RBFOX1: variants seen among roughly 807,000 people sequenced by gnomAD.
RBFOX1 encodes RNA binding protein fox-1 homolog 1.
RBFOX1 carries 8 observed loss-of-function variants against 57.7 expected under a neutral mutation model. The ratio of observed to expected loss-of-function variants is 0.14; its 90% confidence interval spans 0.08 to 0.25. The LOEUF (loss-of-function observed/expected upper bound fraction) is 0.25, where lower values mean the gene tolerates loss of function less well. Among genes scored for constraint, RBFOX1 ranks in the 10% least tolerant of loss-of-function variants. The pLI is 1.00. For synonymous variants in RBFOX1, 326 were observed against 222.4 expected, an observed-to-expected ratio of 1.47 and a Z score of -4.15; for missense variants, 611 against 548.5, an observed-to-expected ratio of 1.11 and a Z score of -1.14.
chr16:7,066,545 A>C (rs562331578), intron 4 of RBFOX1, among the ~76,000 whole-genome samples: 38 of 151,350 alleles, frequency 2.5e-4, no homozygotes, highest in African/African-American at 8.2e-4. Context: ...TTATGTGCAA[A>C]GTTTTAGGTG....
At position 6,803,964 on chromosome 16, in the gene RBFOX1, C is replaced by T. The variant is rs370242411; in HGVS notation, c.-16+149314C>T. On this transcript the variant is annotated intron_variant, in intron 3 of 15. Transcript: ENST00000550418. ...AACCCATAGTTTCCTAATATTTGCA[C>T]GTTATAACATATGAAGCTAAACTGT... 9.2e-5 allele frequency among the ~76,000 whole-genome samples: 14 copies of T among 151,990 alleles called. No homozygotes were observed. In the South Asian group the frequency reaches 1.2e-3, roughly 14 times the overall value.
intron 4 of RBFOX1, among the ~76,000 whole-genome samples, chr16:7,349,310 C>G (rs961546210): frequency 2.1e-4 from 32 of 152,272 alleles, no homozygotes; most frequent in Non-Finnish European, 3.8e-4. Context: ...TTCTCTCAAA[C>G]CAAACGCATG....
At chr16:6,381,637 G>A (rs1318849287) in intron 2 of RBFOX1, among the ~76,000 whole-genome samples, 1 of 152,138 alleles carries the variant, frequency 6.6e-6, no homozygotes, top group Admixed American at 6.5e-5. Flanking sequence ...CATTGAACAG[G>A]AGCTCTTCCT....
At chr16:7,158,166 G>A (rs1467635156) in intron 4 of RBFOX1, among the ~76,000 whole-genome samples, 1 of 152,076 alleles carries the variant, frequency 6.6e-6, no homozygotes, top group Non-Finnish European at 1.5e-5. Flanking sequence ...GGCCAACATG[G>A]TGAAACCCTG....
At chr16:6,599,334 TG>T (rs2097819466) in intron 2 of RBFOX1, among the ~76,000 whole-genome samples, 1 of 152,164 alleles carries the variant, frequency 6.6e-6, no homozygotes, top group South Asian at 2.1e-4. Context: ...GGTCCTCTAA[TG>T]GTTGTGCGTT....
chr16:5,792,660 T>C (rs549963593), intron 3 of RBFOX1, among the ~76,000 whole-genome samples: 1 of 152,172 alleles, frequency 6.6e-6, no homozygotes, highest in African/African-American at 2.4e-5. Flanking sequence ...CTGGCCAACG[T>C]GCTGAAACCC....
chr16:6,667,783 A>C (rs1050069498), intron 3 of RBFOX1, among the ~76,000 whole-genome samples: 1 of 151,984 alleles, frequency 6.6e-6, no homozygotes, highest in Non-Finnish European at 1.5e-5. Context: ...CAGCTACTCA[A>C]ATGGCTTAAG....
chr16:6,675,956 T>C (rs62015863), intron 3 of RBFOX1, among the ~76,000 whole-genome samples: 5,404 of 152,120 alleles, frequency 0.036, 154 homozygotes, highest in Non-Finnish European at 0.048. Flanking sequence ...TCTCTGGAAC[T>C]TTGGACAAGC....
chr16:7,231,937 T>C (rs2093519332), intron 4 of RBFOX1, among the ~76,000 whole-genome samples: 1 of 152,164 alleles, frequency 6.6e-6, no homozygotes, highest in Non-Finnish European at 1.5e-5. Context: ...AGGTACAGAT[T>C]TTGTTTCGGA....
At chr16:6,370,669 T>G (rs1200956213) in intron 2 of RBFOX1, among the ~76,000 whole-genome samples, 1 of 152,146 alleles carries the variant, frequency 6.6e-6, no homozygotes, top group Non-Finnish European at 1.5e-5. Context: ...TAGTGGTTCC[T>G]AGGGACCAGG....
At chr16:6,880,610 C>G (rs2062741127) in intron 3 of RBFOX1, among the ~76,000 whole-genome samples, 1 of 152,018 alleles carries the variant, frequency 6.6e-6, no homozygotes, top group African/African-American at 2.4e-5. Flanking sequence ...GAAATGTGAA[C>G]TGGAAGAGGC....
chr16:5,801,339 CTCT>C (rs2055048947), intron 3 of RBFOX1, among the ~76,000 whole-genome samples: 1 of 119,578 alleles, frequency 8.4e-6, no homozygotes, highest in African/African-American at 3.1e-5. Context: ...CCCTCCCTCT[CTCT>C]TTTTTTTTTT....
At chr16:5,371,244 C>T (rs1247557096) in intron 1 of RBFOX1, among the ~76,000 whole-genome samples, 1 of 152,192 alleles carries the variant, frequency 6.6e-6, no homozygotes, top group African/African-American at 2.4e-5. Context: ...CCCCTGTGCC[C>T]AGCCAGAATG....
intron 4 of RBFOX1, among the ~76,000 whole-genome samples, chr16:7,193,355 A>G (rs957852806): frequency 6.6e-6 from 1 of 152,210 alleles, no homozygotes; most frequent in Non-Finnish European, 1.5e-5. Flanking sequence ...GAACCTCCAG[A>G]AAAGAACATG....
chr16:7,673,587 G>A (rs1375754634), intron 13 of RBFOX1, among the ~76,000 whole-genome samples: 1 of 152,082 alleles, frequency 6.6e-6, no homozygotes, highest in Non-Finnish European at 1.5e-5. Flanking sequence ...ATCATTTGAG[G>A]TGCTTAATGG....
At position 5,671,220 on chromosome 16, in the gene RBFOX1, T is replaced by C. The variant is rs553024067; in HGVS notation, c.318+72259T>C. Among the ~76,000 whole-genome samples the C allele has an allele frequency of 3.9e-5, 6 of 152,350 alleles. No individual in the cohort carries two copies. In the East Asian group the frequency reaches 1.2e-3, roughly 29 times the overall value. ...TTCTTTGAAAGTTTCAATCTGCAAC[T>C]TAAAAGCAAAGCAAGAGAATAAAAG... On this transcript the variant is annotated intron_variant, in intron 3 of 19. Transcript: ENST00000641259.
chr16:5,403,272 C>T (rs1039667178), intron 1 of RBFOX1, among the ~76,000 whole-genome samples: 17 of 150,580 alleles, frequency 1.1e-4, no homozygotes, highest in African/African-American at 3.9e-4. Context: ...ATCGCTTGAG[C>T]CTGGGAGGTG....
At chr16:6,714,276 C>T (rs1480429342) in intron 3 of RBFOX1, among the ~76,000 whole-genome samples, 1 of 152,096 alleles carries the variant, frequency 6.6e-6, no homozygotes, top group African/African-American at 2.4e-5. Context: ...TATAAATGAC[C>T]CAGTCTCAGG....
intron 2 of RBFOX1, among the ~76,000 whole-genome samples, chr16:5,481,387 G>T (rs1159897724): frequency 6.6e-6 from 1 of 152,196 alleles, no homozygotes; most frequent in African/African-American, 2.4e-5. Flanking sequence ...TGGGAGAACA[G>T]GGCATTTTGT....
Sources: gnomAD v4.1 joint callset for allele counts (sites outside exome capture counted in the v4.1 genomes callset) on GRCh38, gnomAD v4.1.1 for gene constraint, MANE v1.5 for transcripts, NCBI Gene and HGNC (gene_info 2026-07-23, HGNC 2026-07-21) for gene names.